Variants in MRE11 observed in about 807,000 individuals in gnomAD.
MRE11 encodes the protein double-strand break repair protein MRE11.
In MRE11, 62 loss-of-function variants were observed where a neutral mutation model predicts 91.7. The ratio of observed to expected loss-of-function variants is 0.68; its 90% CI spans 0.55 to 0.84. The LOEUF is 0.84. Among genes scored for constraint, MRE11 ranks in the 40% least tolerant of loss-of-function variants. MRE11 has a pLI of 0.00. For synonymous variants in MRE11, 273 were observed against 271.4 expected (o/e 1.01, Z -0.06); for missense variants, 796 against 852.9 (o/e 0.93, Z 0.83).
the MRE11 span, among the ~76,000 whole-genome samples, chr11:94,506,570 G>A: frequency 6.6e-6 from 1 of 151,374 alleles, no homozygotes; most frequent in Non-Finnish European, 1.5e-5. Context: ...AGAAAAAAGA[G>A]GAAGACAGTA....
chr11:94,446,927 T>C (rs1202868199), intron 15 of MRE11, among the ~76,000 whole-genome samples: 3 of 152,210 alleles, frequency 2.0e-5, no homozygotes, highest in African/African-American at 4.8e-5. Context: ...AAAATACATA[T>C]GACATTAAAT....
the MRE11 span, among the ~76,000 whole-genome samples, chr11:94,510,586 G>A: frequency 6.6e-6 from 1 of 152,252 alleles, no homozygotes; most frequent in Admixed American, 6.5e-5. Flanking sequence ...CCCATATTAG[G>A]TAAGGATATA....
intron 10 of MRE11, among the ~76,000 whole-genome samples, chr11:94,464,941 C>CT (rs1457135465): frequency 6.6e-6 from 1 of 152,160 alleles, no homozygotes; most frequent in East Asian, 1.9e-4. Context: ...TGCTCCCTAA[C>CT]TAAAGTGCTC....
At chr11:94,491,049 AAAT>A (rs1188553629) in intron 2 of MRE11, 84 bp from the exon 3 acceptor site, 22 of 870,134 alleles carry the variant, frequency 2.5e-5, no homozygotes, top group Admixed American at 1.4e-4. Context: ...CTTATAAAAT[AAAT>A]AATAACAGTT....
rs114406328 is a variant in MRE11, at chr11:94,480,007, T to C, written c.315-246A>G. ...TAATAAACAGTGCTTGTGGTATGTA[T>C]GAGTAGTATATCTAATTAATGAAAA... On this transcript the variant is annotated intron_variant, in intron 4 of 19. Coordinates refer to ENST00000323929, the MANE Select transcript of MRE11 (RefSeq NM_005591.4). 3.0e-3 allele frequency among the ~76,000 whole-genome samples: 461 copies of C among 152,342 alleles called. 2 individuals carry two copies. The highest frequency in any genetic ancestry group is 0.011 in the African/African-American group (442 of 41,582).
intron 9 of MRE11, among the ~76,000 whole-genome samples, chr11:94,469,581 T>C (rs1276431655): frequency 8.5e-5 from 13 of 152,160 alleles, no homozygotes; most frequent in African/African-American, 3.1e-4. Flanking sequence ...TCAATCATCT[T>C]GAAACAAGCG....
At chr11:94,442,075 G>A (rs954764319) in intron 16 of MRE11, among the ~76,000 whole-genome samples, 1 of 151,218 alleles carries the variant, frequency 6.6e-6, no homozygotes, top group Non-Finnish European at 1.5e-5. Flanking sequence ...TGAGGAGAGA[G>A]TAAAGAGGTC....
intron 18 of MRE11, among the ~76,000 whole-genome samples, chr11:94,433,721 A>G (rs1045950067): frequency 3.3e-5 from 5 of 152,122 alleles, no homozygotes; most frequent in African/African-American, 1.2e-4. Flanking sequence ...CATGATTATG[A>G]GGCCTCCCCA....
At chr11:94,502,652 AATTT>A in the MRE11 span, among the ~76,000 whole-genome samples, 6 of 151,940 alleles carry the variant, frequency 3.9e-5, no homozygotes, top group Admixed American at 6.6e-5. Flanking sequence ...GCTATAACTA[AATTT>A]ATTTATTTAT....
At chr11:94,486,949 G>T (rs1001049844) in intron 3 of MRE11, among the ~76,000 whole-genome samples, 1 of 152,126 alleles carries the variant, frequency 6.6e-6, no homozygotes. Flanking sequence ...AGAATACAAG[G>T]TATAGATCAC....
intron 13 of MRE11, among the ~76,000 whole-genome samples, chr11:94,459,125 T>C (rs571913375): frequency 1.9e-3 from 295 of 152,266 alleles, no homozygotes; most frequent in Non-Finnish European, 3.6e-3. Context: ...GAACAAAAAT[T>C]ACCATCCTAC....
intron 2 of MRE11, among the ~76,000 whole-genome samples, chr11:94,491,288 A>T (rs1947277052): frequency 6.6e-6 from 1 of 152,218 alleles, no homozygotes; most frequent in Admixed American, 6.5e-5. Context: ...TTCCTCAGAT[A>T]AATAAACTTG....
At chr11:94,475,996 G>A (rs1417272399) in intron 7 of MRE11, among the ~76,000 whole-genome samples, 1 of 152,130 alleles carries the variant, frequency 6.6e-6, no homozygotes, top group Non-Finnish European at 1.5e-5. Context: ...TGGGATCAGG[G>A]AAAAGGAATG....
At chr11:94,482,085 G>A (rs577792654) in intron 4 of MRE11, among the ~76,000 whole-genome samples, 26 of 152,152 alleles carry the variant, frequency 1.7e-4, no homozygotes, top group African/African-American at 5.8e-4. Flanking sequence ...AAGCCCACGC[G>A]GAACAAACAG....
chr11:94,425,741 G>A (rs1168301071), intron 19 of MRE11, among the ~76,000 whole-genome samples: 1 of 152,118 alleles, frequency 6.6e-6, no homozygotes, highest in East Asian at 1.9e-4. Context: ...ACAGTAAAAA[G>A]GGACAAAGAA....
rs7925673 is a variant in MRE11, at chr11:94,416,867, C to A, written c.*3258G>T. Reference sequence around the variant, plus strand: ...CTCAAAAAAAAAAAACAAAAAAAACCCAAAATACTATGAATTAAATTTATG... The same window carrying A: ...CTCAAAAAAAAAAAACAAAAAAAACACAAAATACTATGAATTAAATTTATG... On this transcript the variant is annotated 3_prime_UTR_variant, in exon 20 of 20. Coordinates refer to ENST00000323929, the MANE Select transcript of MRE11 (RefSeq NM_005591.4). 150,156 of 150,158 alleles carry A rather than the reference C, an allele frequency of 1. 75,077 individuals are homozygous for A. Among genetic ancestry groups the A allele is most frequent in the Middle Eastern group, 1 (288 of 288 alleles). 9.3% of individuals were successfully genotyped at this position (150,158 alleles called of 1,614,324 possible).
intron 8 of MRE11, 150 bp downstream of exon 8, chr11:94,471,424 C>T (rs1946707174): frequency 1.4e-6 from 1 of 737,350 alleles, no homozygotes; most frequent in East Asian, 2.7e-5. Flanking sequence ...TAAGACTACA[C>T]AGAATGATCA....
At chr11:94,432,090 C>G (rs559870963) in intron 18 of MRE11, among the ~76,000 whole-genome samples, 1 of 152,256 alleles carries the variant, frequency 6.6e-6, no homozygotes, top group Admixed American at 6.5e-5. Context: ...TCCCGATAAT[C>G]TTCCAATAAA....
intron 18 of MRE11, among the ~76,000 whole-genome samples, chr11:94,431,592 A>T (rs777149229): frequency 9.2e-5 from 14 of 152,342 alleles, no homozygotes; most frequent in Non-Finnish European, 1.3e-4. Flanking sequence ...AACAACAGAG[A>T]TGAGTTTGGG....
Sources: allele counts gnomAD v4.1 joint callset (sites outside exome capture counted in the v4.1 genomes callset), GRCh38; gene constraint gnomAD v4.1.1; transcripts MANE v1.5; gene names NCBI Gene and HGNC (gene_info 2026-07-23, HGNC 2026-07-21).